The following COPG2 variants were observed in gnomAD, a reference collection of about 807,000 sequenced individuals.
COPG2 encodes the protein coat protein complex I subunit gamma 2.
In COPG2, 37 loss-of-function variants were observed where a neutral mutation model predicts 46.3. The observed-to-expected ratio is 0.80, with a 90% confidence interval of 0.61 to 1.05. COPG2 has a LOEUF of 1.05. Ranked by LOEUF, COPG2 falls within the 50% of genes least tolerant of loss-of-function variation. COPG2 has a pLI of 0.00. For synonymous variants in COPG2, 159 were observed against 129.7 expected, an observed-to-expected ratio of 1.23 and a Z score of -1.53; for missense variants, 427 against 387.8, an observed-to-expected ratio of 1.10 and a Z score of -0.85.
intron 5 of COPG2, among the ~76,000 whole-genome samples, chr7:130,625,249 G>A (rs868959607): frequency 3.9e-5 from 6 of 152,128 alleles, no homozygotes; most frequent in Middle Eastern, 3.4e-3. Context: ...TATTATATAT[G>A]AATTTTATAT....
At chr7:130,591,750 G>T (rs1357314721) in intron 9 of COPG2, among the ~76,000 whole-genome samples, 1 of 145,128 alleles carries the variant, frequency 6.9e-6, no homozygotes, top group Non-Finnish European at 1.5e-5. Context: ...CCCCCGCCCG[G>T]CCAGCCACCC....
intron 5 of COPG2, among the ~76,000 whole-genome samples, chr7:130,620,313 A>G (rs1584584816): frequency 6.6e-6 from 1 of 152,164 alleles, no homozygotes; most frequent in East Asian, 1.9e-4. Flanking sequence ...ACAAGCATAC[A>G]TTCTGACAGG....
At chr7:130,559,429 G>C (rs1793682368) in intron 12 of COPG2, among the ~76,000 whole-genome samples, 1 of 152,102 alleles carries the variant, frequency 6.6e-6, no homozygotes, top group Non-Finnish European at 1.5e-5. Context: ...CCCAAGGATA[G>C]CCCTCTAGTA....
chr7:130,621,453 A>G (rs968777575), intron 5 of COPG2, among the ~76,000 whole-genome samples: 5 of 152,222 alleles, frequency 3.3e-5, no homozygotes, highest in Non-Finnish European at 7.3e-5. Flanking sequence ...TCAATTCTGT[A>G]GCTGCAGCAC....
At chr7:130,608,721 A>G (rs1481729843) in intron 9 of COPG2, among the ~76,000 whole-genome samples, 1 of 152,072 alleles carries the variant, frequency 6.6e-6, no homozygotes, top group Non-Finnish European at 1.5e-5. Flanking sequence ...TTTTTTTTAA[A>G]AAAAGGCGAC....
chr7:130,528,488 G>A (rs991907476), intron 20 of COPG2, among the ~76,000 whole-genome samples: 132 of 152,140 alleles, frequency 8.7e-4, no homozygotes, highest in African/African-American at 2.8e-3. Flanking sequence ...GCGGAGCAGC[G>A]GGTGCGGGGC....
chr7:130,667,001 A>C, intron 2 of COPG2, 72 bp from the exon 3 acceptor site: 1 of 751,210 alleles, frequency 1.3e-6, no homozygotes, highest in Non-Finnish European at 2.2e-6. Context: ...ATCAACTTTA[A>C]TACAGACTAT....
At chr7:130,562,068 A>G (rs1157400400) in intron 11 of COPG2, among the ~76,000 whole-genome samples, 1 of 152,188 alleles carries the variant, frequency 6.6e-6, no homozygotes, top group Non-Finnish European at 1.5e-5. Flanking sequence ...ACTCTTTAAA[A>G]ACAATTTAGG....
At chr7:130,572,042 T>C (rs1372464771) in intron 9 of COPG2, among the ~76,000 whole-genome samples, 1 of 151,886 alleles carries the variant, frequency 6.6e-6, no homozygotes, top group African/African-American at 2.4e-5. Context: ...AGCTAAGCTA[T>C]GAGGACGCAA....
intron 5 of COPG2, among the ~76,000 whole-genome samples, chr7:130,617,726 G>C (rs1794973176): frequency 1.3e-5 from 2 of 152,176 alleles, no homozygotes; most frequent in African/African-American, 4.8e-5. Flanking sequence ...AATCCAAAAT[G>C]GTCTACAACT....
intron 9 of COPG2, among the ~76,000 whole-genome samples, chr7:130,598,337 C>T (rs1554449967): frequency 2.0e-5 from 3 of 152,090 alleles, no homozygotes; most frequent in Admixed American, 6.6e-5. Flanking sequence ...AAAGGGAAGC[C>T]GTACTCCAAG....
At chr7:130,623,432 A>G (rs1296694419) in intron 5 of COPG2, among the ~76,000 whole-genome samples, 1 of 152,182 alleles carries the variant, frequency 6.6e-6, no homozygotes, top group Non-Finnish European at 1.5e-5. Flanking sequence ...TAGTCTGTTC[A>G]TGTGCCAGTA....
chr7:130,543,307 G>A (rs2116374430), intron 20 of COPG2, among the ~76,000 whole-genome samples: 1 of 152,328 alleles, frequency 6.6e-6, no homozygotes, highest in African/African-American at 2.4e-5. Flanking sequence ...TTGGGATTTA[G>A]GAATGTCAGA....
At chr7:130,620,143 C>A (rs1328760198) in intron 5 of COPG2, among the ~76,000 whole-genome samples, 1 of 152,126 alleles carries the variant, frequency 6.6e-6, no homozygotes, top group African/African-American at 2.4e-5. Flanking sequence ...AGGGTTACTA[C>A]TTCAGCAATG....
At chr7:130,616,701 TA>T (rs1554452886) in intron 6 of COPG2, among the ~76,000 whole-genome samples, 3 of 152,220 alleles carry the variant, frequency 2.0e-5, no homozygotes, top group African/African-American at 7.2e-5. Context: ...TGTCCTATAA[TA>T]AAGCTTTTTA....
chr7:130,616,307 A>G (rs1198567491), intron 6 of COPG2, among the ~76,000 whole-genome samples: 10 of 152,206 alleles, frequency 6.6e-5, no homozygotes, highest in Non-Finnish European at 1.3e-4. Context: ...GCAGATATAA[A>G]TACAGTATTT....
intron 20 of COPG2, among the ~76,000 whole-genome samples, chr7:130,526,408 T>G (rs2116352724): frequency 6.6e-6 from 1 of 152,006 alleles, no homozygotes; most frequent in South Asian, 2.1e-4. Flanking sequence ...GCAGGTACCT[T>G]CCCTTGGCCA....
chr7:130,607,390 A>G (rs1291097319), intron 9 of COPG2: 1 of 420,654 alleles, frequency 2.4e-6, no homozygotes, highest in Non-Finnish European at 4.7e-6. Context: ...TCTCTTGGCT[A>G]CTAGTCACAT....
chr7:130,549,350 C>T lies in COPG2; in HGVS notation c.1801G>A (p.Glu601Lys), dbSNP rs1793498482. Residue 601 changes from glutamate (E) to lysine (K), a missense_variant, in exon 18 of 24, where the codon GAG becomes AAG. Glu to Lys is a moderately conservative substitution (Grantham distance 56). Coordinates refer to ENST00000425248, the MANE Select transcript of COPG2 (RefSeq NM_012133.6). ...AEITLVATKP[E>K]KLAPSRQDIF... ...TCTTGCCTGGAAGGAGCCAACTTCT[C>T]TGGCTTAGTAGCCACAAGTGTGATT... 22 of 398,614 alleles carry T rather than the reference C, an allele frequency of 5.5e-5. No homozygotes were observed. In the East Asian group the frequency reaches 7.8e-4, roughly 14 times the overall value. 24.7% of individuals were successfully genotyped at this position (398,614 alleles called of 1,614,324 possible). A position where few individuals can be genotyped will look rare whatever the true frequency, so the allele number is the denominator to read the frequency against.
Sources: gnomAD v4.1 joint callset for allele counts (sites outside exome capture counted in the v4.1 genomes callset) on GRCh38, gnomAD v4.1.1 for gene constraint, MANE v1.5 for transcripts, NCBI Gene and HGNC (gene_info 2026-07-23, HGNC 2026-07-21) for gene names.